The following TYW1B variants were observed in gnomAD, a reference collection of about 807,000 sequenced individuals.
TYW1B encodes tRNA-yW synthesizing protein 1 homolog B.
Under a neutral mutation model 86.9 loss-of-function variants are expected in TYW1B, and 73 were observed. That is an observed-to-expected ratio of 0.84 (90% CI 0.70 to 1.02). The LOEUF (loss-of-function observed/expected upper bound fraction) is 1.02. TYW1B is among the 50% of genes least tolerant of loss of function. The pLI is 0.00. For synonymous variants in TYW1B, 248 were observed against 292.8 expected (o/e 0.85, Z 1.56); for missense variants, 637 against 827.4 (o/e 0.77, Z 2.82).
rs1563038820 is a variant in TYW1B, at chr7:72,632,413, A to ATATATATAAAATATATATATACG, written c.1507-3417_1507-3416insCGTATATATATATTTTATATATA. On this transcript the variant is annotated intron_variant, in intron 11 of 13. Coordinates refer to ENST00000620995, the MANE Select transcript of TYW1B (RefSeq NM_001145440.3). ...GTATATATATATAATATATATATAC[A>ATATATATAAAATATATATATACG]TATATATATAAAATATATATATACG... 2.1e-3 allele frequency among the ~76,000 whole-genome samples: 180 copies of ATATATATAAAATATATATATACG among 84,012 alleles called. 5 individuals are homozygous for ATATATATAAAATATATATATACG. Among genetic ancestry groups the ATATATATAAAATATATATATACG allele is most frequent in the African/African-American group, 0.013 (172 of 13,304 alleles). The allele number at this position is 84,012 out of a possible 152,430, so 55.1% of individuals were successfully genotyped here. A position where few individuals can be genotyped will look rare whatever the true frequency, so the allele number is the denominator to read the frequency against.
At chr7:72,689,064 C>T (rs191868599) in intron 11 of TYW1B, among the ~76,000 whole-genome samples, 92 of 152,112 alleles carry the variant, frequency 6.0e-4, no homozygotes, top group African/African-American at 2.2e-3. Context: ...GATAGGGGTC[C>T]CACGGTTTAC....
chr7:72,766,613 CAAAAA>C (rs56738770), intron 7 of TYW1B, among the ~76,000 whole-genome samples: 1 of 82,936 alleles, frequency 1.2e-5, no homozygotes, highest in Non-Finnish European at 2.2e-5. Flanking sequence ...GATTCAGTCT[CAAAAA>C]AAAAAAAAAA....
intron 13 of TYW1B, among the ~76,000 whole-genome samples, chr7:72,605,310 G>A (rs1811767057): frequency 1.3e-5 from 2 of 151,204 alleles, no homozygotes; most frequent in South Asian, 2.1e-4. Flanking sequence ...ATATTCAACT[G>A]ATGTCTGGAA....
rs1216207630 is a variant in TYW1B, at chr7:72,815,591, G to A, written c.136-110C>T. ...GCATTCCTCATGAAAAATGTTTTCA[G>A]TGACTGATATGAACCCAAATTCTAT... On this transcript the variant is annotated intron_variant, in intron 2 of 13. Coordinates refer to ENST00000620995, the MANE Select transcript of TYW1B (RefSeq NM_001145440.3). The A allele has an allele frequency of 9.1e-5, 91 of 1,003,594 alleles. 1 individual carries two copies. Among genetic ancestry groups the A allele is most frequent in the Non-Finnish European group, 1.2e-4 (79 of 675,958 alleles). The allele number at this position is 1,003,594 out of a possible 1,614,324, so 62.2% of individuals were successfully genotyped here.
intron 7 of TYW1B, among the ~76,000 whole-genome samples, chr7:72,760,318 C>T (rs1338537733): frequency 6.6e-6 from 1 of 152,322 alleles, no homozygotes; most frequent in East Asian, 1.9e-4. Flanking sequence ...ATGAAAACTG[C>T]TGTACCCAAA....
intron 13 of TYW1B, among the ~76,000 whole-genome samples, chr7:72,599,572 T>G (rs1407612231): frequency 6.6e-6 from 1 of 151,984 alleles, no homozygotes; most frequent in Non-Finnish European, 1.5e-5. Flanking sequence ...ATATACAGAT[T>G]AGGAAGGAGG....
intron 11 of TYW1B, among the ~76,000 whole-genome samples, chr7:72,634,356 C>CA (rs1812617793): frequency 9.0e-6 from 1 of 110,850 alleles, no homozygotes; most frequent in African/African-American, 3.5e-5. Flanking sequence ...TTTTTTTTTT[C>CA]TTTTTTTTTT....
At chr7:72,825,398 G>A (rs1384504417) in intron 2 of TYW1B, among the ~76,000 whole-genome samples, 1 of 152,318 alleles carries the variant, frequency 6.6e-6, no homozygotes, top group Non-Finnish European at 1.5e-5. Context: ...GTGACGTGAG[G>A]CCAGGTGCAG....
chr7:72,754,607 T>C (rs1787556099), intron 7 of TYW1B, among the ~76,000 whole-genome samples: 1 of 151,472 alleles, frequency 6.6e-6, no homozygotes, highest in African/African-American at 2.4e-5. Context: ...CTGGCTAATT[T>C]TTATGTTTTT....
chr7:72,779,300 A>G (rs1275561984), intron 6 of TYW1B, among the ~76,000 whole-genome samples: 1 of 152,250 alleles, frequency 6.6e-6, no homozygotes, highest in African/African-American at 2.4e-5. Flanking sequence ...AAGGGTACCT[A>G]GGGGAGGATG....
At chr7:72,779,433 G>C (rs1410004725) in intron 6 of TYW1B, among the ~76,000 whole-genome samples, 1 of 152,302 alleles carries the variant, frequency 6.6e-6, no homozygotes, top group Non-Finnish European at 1.5e-5. Flanking sequence ...ATTTTAACAC[G>C]TGGCCGGGCA....
At chr7:72,826,559 A>G (rs1436434566) in intron 2 of TYW1B, among the ~76,000 whole-genome samples, 1 of 152,192 alleles carries the variant, frequency 6.6e-6, no homozygotes, top group Non-Finnish European at 1.5e-5. Flanking sequence ...ATGGAAAGAG[A>G]GGACTACTGA....
At chr7:72,756,500 G>A (rs1460873319) in intron 7 of TYW1B, among the ~76,000 whole-genome samples, 2 of 151,966 alleles carry the variant, frequency 1.3e-5, no homozygotes, top group Non-Finnish European at 2.9e-5. Context: ...CTCCCAAAGT[G>A]CTGGAATTAC....
At chr7:72,707,413 T>A (rs1814639261) in intron 10 of TYW1B, among the ~76,000 whole-genome samples, 1 of 152,224 alleles carries the variant, frequency 6.6e-6, no homozygotes, top group African/African-American at 2.4e-5. Context: ...TGAAGAATTA[T>A]GAGCTAAATA....
chr7:72,643,676 CATTTGAT>C (rs1270729035), intron 11 of TYW1B, among the ~76,000 whole-genome samples: 2 of 151,952 alleles, frequency 1.3e-5, no homozygotes, highest in Non-Finnish European at 2.9e-5. Context: ...ATCAAATTGG[CATTTGAT>C]ATTTGATATT....
chr7:72,755,118 A>G (rs534176078), intron 7 of TYW1B, among the ~76,000 whole-genome samples: 1 of 152,074 alleles, frequency 6.6e-6, no homozygotes, highest in African/African-American at 2.4e-5. Flanking sequence ...AGTAGATGGA[A>G]TAACAGAAGT....
intron 8 of TYW1B, among the ~76,000 whole-genome samples, chr7:72,735,829 C>G (rs1384538537): frequency 4.1e-5 from 6 of 147,562 alleles, no homozygotes; most frequent in Non-Finnish European, 8.9e-5. Flanking sequence ...GAGATCAGGC[C>G]ACTGCACTCC....
At chr7:72,658,817 T>C (rs1813265003) in intron 11 of TYW1B, among the ~76,000 whole-genome samples, 1 of 152,128 alleles carries the variant, frequency 6.6e-6, no homozygotes, top group Non-Finnish European at 1.5e-5. Flanking sequence ...ACCTCCCGTG[T>C]TCAAGCGATT....
intron 12 of TYW1B, among the ~76,000 whole-genome samples, chr7:72,619,187 T>C (rs1387614834): frequency 6.6e-6 from 1 of 152,210 alleles, no homozygotes. Context: ...CTGGACTTAG[T>C]GTCTCTTTAT....
Sources: gnomAD v4.1 joint callset for allele counts (sites outside exome capture counted in the v4.1 genomes callset) on GRCh38, gnomAD v4.1.1 for gene constraint, MANE v1.5 for transcripts, NCBI Gene and HGNC (gene_info 2026-07-23, HGNC 2026-07-21) for gene names.